HEMK2: variants seen among roughly 807,000 people sequenced by gnomAD.
HEMK2 encodes the protein methyltransferase HEMK2.
the HEMK2 span, among the ~76,000 whole-genome samples, chr21:28,640,898 A>T: frequency 1.3e-5 from 2 of 152,198 alleles, no homozygotes; most frequent in African/African-American, 4.8e-5. Flanking sequence ...AAGAACAATC[A>T]CAGTGCTAAG....
the HEMK2 span, among the ~76,000 whole-genome samples, chr21:28,712,262 A>G: frequency 6.6e-6 from 1 of 152,188 alleles, no homozygotes; most frequent in South Asian, 2.1e-4. Flanking sequence ...ATCATCTCCC[A>G]AAACAGATTA....
At chr21:28,862,284 G>GA in the HEMK2 span, among the ~76,000 whole-genome samples, 3 of 152,152 alleles carry the variant, frequency 2.0e-5, no homozygotes, top group African/African-American at 7.2e-5. Flanking sequence ...ACTCCACTAG[G>GA]AAAAAAACCA....
At chr21:28,815,217 C>A in the HEMK2 span, among the ~76,000 whole-genome samples, 3 of 112,254 alleles carry the variant, frequency 2.7e-5, no homozygotes, top group African/African-American at 1.1e-4. Flanking sequence ...ACATCATACA[C>A]TGGGGACTGT....
At chr21:28,844,294 C>T in the HEMK2 span, among the ~76,000 whole-genome samples, 1 of 152,000 alleles carries the variant, frequency 6.6e-6, no homozygotes, top group African/African-American at 2.4e-5. Flanking sequence ...CTGCTTTTTT[C>T]TCCACTCTTC....
At chr21:28,751,479 G>A in the HEMK2 span, among the ~76,000 whole-genome samples, 1 of 152,276 alleles carries the variant, frequency 6.6e-6, no homozygotes, top group East Asian at 1.9e-4. Flanking sequence ...TGTACCATGT[G>A]CAGATTAAAA....
At chr21:28,723,204 CAG>C in the HEMK2 span, among the ~76,000 whole-genome samples, 27,137 of 151,936 alleles carry the variant, frequency 0.18, 2,555 homozygotes, top group Middle Eastern at 0.31. Flanking sequence ...TTTGTAGAGA[CAG>C]AGTCTTGTTA....
the HEMK2 span, among the ~76,000 whole-genome samples, chr21:28,612,025 C>T: frequency 4.0e-5 from 6 of 151,388 alleles, no homozygotes; most frequent in South Asian, 1.3e-3. Context: ...ATCTTATTGA[C>T]ACTATTCCAA....
the HEMK2 span, among the ~76,000 whole-genome samples, chr21:28,625,812 C>T: frequency 0.055 from 6,905 of 125,222 alleles, 213 homozygotes; most frequent in Non-Finnish European, 0.086. Flanking sequence ...GGGAATGATA[C>T]CAGATGGAAA....
At chr21:28,743,945 C>T in the HEMK2 span, among the ~76,000 whole-genome samples, 2 of 152,100 alleles carry the variant, frequency 1.3e-5, no homozygotes, top group Non-Finnish European at 2.9e-5. Flanking sequence ...TTTACAGAAA[C>T]GTGGATGGAA....
the HEMK2 span, among the ~76,000 whole-genome samples, chr21:28,866,749 A>C: frequency 6.6e-6 from 1 of 152,194 alleles, no homozygotes; most frequent in African/African-American, 2.4e-5. Context: ...CAAAAAAAGG[A>C]AAGAAAGAAA....
chr21:28,580,632 C>A, the HEMK2 span, among the ~76,000 whole-genome samples: 2 of 152,066 alleles, frequency 1.3e-5, no homozygotes, highest in African/African-American at 4.8e-5. Context: ...AAAGTGCCTG[C>A]CCTGTTGCCT....
chr21:28,815,166 T>C, the HEMK2 span, among the ~76,000 whole-genome samples: 1 of 131,610 alleles, frequency 7.6e-6, no homozygotes, highest in Non-Finnish European at 1.5e-5. Flanking sequence ...CACTCCTAGG[T>C]GGGAACTGAA....
chr21:28,594,461 T>C, the HEMK2 span, among the ~76,000 whole-genome samples: 8 of 152,316 alleles, frequency 5.3e-5, no homozygotes, highest in East Asian at 1.5e-3. Context: ...TGTACTATCT[T>C]CACAATGTTT....
At chr21:28,868,873 C>G in the HEMK2 span, among the ~76,000 whole-genome samples, 12 of 152,208 alleles carry the variant, frequency 7.9e-5, no homozygotes, top group African/African-American at 2.9e-4. Context: ...CCTAAGCCCT[C>G]TTATTATAAT....
chr21:28,883,312 T>C, the HEMK2 span, among the ~76,000 whole-genome samples: 1 of 152,200 alleles, frequency 6.6e-6, no homozygotes, highest in Non-Finnish European at 1.5e-5. Flanking sequence ...TTACCAAACA[T>C]GGCTTTCAGT....
At chr21:28,798,082 T>A in the HEMK2 span, among the ~76,000 whole-genome samples, 1 of 152,176 alleles carries the variant, frequency 6.6e-6, no homozygotes, top group African/African-American at 2.4e-5. Context: ...TCCAGGCAAG[T>A]GACCCTGTGT....
the HEMK2 span, among the ~76,000 whole-genome samples, chr21:28,796,278 T>C: frequency 6.6e-6 from 1 of 151,448 alleles, no homozygotes; most frequent in Non-Finnish European, 1.5e-5. Flanking sequence ...AGCTGGGATT[T>C]ATAGGTGCCT....
At chr21:28,799,863 A>G in the HEMK2 span, among the ~76,000 whole-genome samples, 1 of 152,200 alleles carries the variant, frequency 6.6e-6, no homozygotes, top group Non-Finnish European at 1.5e-5. Flanking sequence ...TGGCATGCCC[A>G]AATTTGGAAT....
At chr21:28,597,211 T>C in the HEMK2 span, among the ~76,000 whole-genome samples, 1 of 152,214 alleles carries the variant, frequency 6.6e-6, no homozygotes, top group African/African-American at 2.4e-5. Context: ...GAGCTAAGTC[T>C]TGAAGGATAA....
Sources: gnomAD v4.1 joint callset for allele counts (sites outside exome capture counted in the v4.1 genomes callset) on GRCh38, gnomAD v4.1.1 for gene constraint, MANE v1.5 for transcripts, NCBI Gene and HGNC (gene_info 2026-07-23, HGNC 2026-07-21) for gene names.